Variants in GEMIN5 observed in about 807,000 individuals in gnomAD.
The protein encoded by GEMIN5 is gem-associated protein 5.
In GEMIN5, 124 loss-of-function variants were observed where a neutral mutation model predicts 176.9. That is an observed-to-expected ratio of 0.70 (90% CI 0.61 to 0.81). The LOEUF is 0.81. Among genes scored for constraint, GEMIN5 ranks in the 40% least tolerant of loss-of-function variants. The pLI is 0.00. For missense variants in GEMIN5, 1,843 were observed against 1,814.6 expected, an observed-to-expected ratio of 1.02 and a Z score of -0.28; for synonymous variants, 673 against 665.2, an observed-to-expected ratio of 1.01 and a Z score of -0.18.
intron 5 of GEMIN5, among the ~76,000 whole-genome samples, 191 bp downstream of exon 5, chr5:154,931,267 T>C (rs1053425639): frequency 1.3e-5 from 2 of 152,250 alleles, no homozygotes; most frequent in Non-Finnish European, 2.9e-5. Flanking sequence ...TGGGAAATAC[T>C]AATCTCTAAG....
chr5:154,901,198 C>T, intron 21 of GEMIN5, 141 bp downstream of exon 21: 2 of 711,432 alleles, frequency 2.8e-6, no homozygotes, highest in South Asian at 2.3e-5. Flanking sequence ...TGGTGGCATG[C>T]ACCTCCTGAG....
chr5:154,893,872 T>C (rs1763292250), intron 24 of GEMIN5, among the ~76,000 whole-genome samples: 1 of 152,110 alleles, frequency 6.6e-6, no homozygotes, highest in Non-Finnish European at 1.5e-5. Context: ...GCCTCCAGAG[T>C]GGCTGGGACT....
chr5:154,891,304 C>T lies in GEMIN5; in HGVS notation c.4199G>A (p.Gly1400Asp). 6.2e-7 allele frequency: 1 copy of T among 1,613,986 alleles called. No individual in the cohort carries two copies. The highest frequency in any genetic ancestry group is 8.5e-7 in the Non-Finnish European group (1 of 1,179,976). ...TACTTCCGGTTCATTCTTATCAGGA[C>T]CATTTGCTGTGGATTTACAGAGTTG... ...KSQLCKSTAN[G>D]PDKNEPEVEA... The change falls in exon 26 of 28, where the codon GGT (glycine) becomes GAT (aspartate). Residue 1400 changes from glycine (G) to aspartate (D), a missense_variant. Physicochemically the swap from Gly to Asp is moderately conservative, Grantham distance 94. Transcript: ENST00000285873.
chr5:154,926,996 A>G (rs981154415), intron 7 of GEMIN5, among the ~76,000 whole-genome samples: 1 of 151,562 alleles, frequency 6.6e-6, no homozygotes, highest in African/African-American at 2.4e-5. Context: ...GCTTGCAGTG[A>G]GCCAAGATCA....
intron 24 of GEMIN5, among the ~76,000 whole-genome samples, chr5:154,894,891 A>G (rs1429451684): frequency 7.0e-6 from 1 of 143,418 alleles, no homozygotes; most frequent in Non-Finnish European, 1.5e-5. Flanking sequence ...CGGGTGACAG[A>G]GTGAGACTCC....
chr5:154,891,508 T>C lies in GEMIN5; in HGVS notation c.3995A>G (p.Gln1332Arg). 1 of 1,614,172 alleles carries C rather than the reference T, an allele frequency of 6.2e-7. No individual in the cohort carries two copies. The stretch of plus-strand genomic sequence containing the variant: ...TTCTGAAGGCCTGTTTGGCTCTGGC[T>C]GAGAAGTTTCAGGGTCCGTTTCTTC... ...STEETDPETS[Q>R]PEPNRPSELD... Residue 1332 changes from glutamine (Q) to arginine (R), a missense_variant, in exon 26 of 28, where the codon CAG becomes CGG. Transcript: ENST00000285873.
intron 18 of GEMIN5, 94 bp downstream of exon 18, chr5:154,904,413 A>G: frequency 9.0e-7 from 1 of 1,105,040 alleles, no homozygotes; most frequent in Non-Finnish European, 1.4e-6. Context: ...CAATTTAGAC[A>G]TTTCTTTGGG....
At chr5:154,895,010 C>T (rs1192628741) in intron 24 of GEMIN5, among the ~76,000 whole-genome samples, 1 of 151,618 alleles carries the variant, frequency 6.6e-6, no homozygotes, top group East Asian at 1.9e-4. Context: ...ACCTGGGAGG[C>T]GGAGGTTGCA....
At position 154,937,027 on chromosome 5, in the gene GEMIN5, GA is replaced by G; in HGVS notation, c.324del (p.Gln109SerfsTer13). 6.2e-7 allele frequency: 1 copy of G among 1,612,300 alleles called. No individual in the cohort carries two copies. Among genetic ancestry groups the G allele is most frequent in the Non-Finnish European group, 8.5e-7 (1 of 1,178,706 alleles). ...TKTVVTEHAL[H>X]QHTISTLHWS... ...GAGAAACCAGTAAGCCATGGTACCT[GA>G]TGGAGTGCATGTTCTGTCACAACTG... is the stretch of plus-strand genomic sequence containing the variant. On this transcript the variant is annotated frameshift_variant, in exon 2 of 28. Coordinates refer to ENST00000285873, the MANE Select transcript of GEMIN5 (RefSeq NM_015465.5). LOFTEE classifies it high-confidence loss of function.
chr5:154,892,626 G>A, intron 24 of GEMIN5, 77 bp from the exon 25 acceptor site: 1 of 1,390,016 alleles, frequency 7.2e-7, no homozygotes, highest in Non-Finnish European at 9.9e-7. Context: ...CTGTTCCTGT[G>A]AACCGCATTT....
chr5:154,925,835 A>T (rs747482068), intron 8 of GEMIN5, 27 bp downstream of exon 8: 1 of 1,406,574 alleles, frequency 7.1e-7, no homozygotes, highest in Admixed American at 1.8e-5. Flanking sequence ...AAAAAGTTCA[A>T]AACAAGCTCA....
At chr5:154,929,265 C>G (rs1764110243) in intron 5 of GEMIN5, among the ~76,000 whole-genome samples, 1 of 152,146 alleles carries the variant, frequency 6.6e-6, no homozygotes, top group African/African-American at 2.4e-5. Context: ...AATGAGTTCC[C>G]AAGTAAAACT....
At position 154,937,168 on chromosome 5, in the gene GEMIN5, C is replaced by T. The variant is rs1248061640; in HGVS notation, c.184G>A (p.Gly62Arg). ...AAGCCAGAGACCCTTTCGGTGTGTC[C>T]CACCAACTCTCCTATGACTTTAAGC... ...PPFRVIGELV[G>R]HTERVSGFTF... Residue 62 changes from glycine (G) to arginine (R), a missense_variant, in exon 2 of 28, where the codon GGA (glycine) becomes AGA (arginine). Physicochemically the swap from Gly to Arg is moderately radical, Grantham distance 125. Transcript: ENST00000285873. 19 of 1,610,060 alleles carry T rather than the reference C, an allele frequency of 1.2e-5. No individual in the cohort carries two copies.
intron 8 of GEMIN5, among the ~76,000 whole-genome samples, 160 bp downstream of exon 8, chr5:154,925,702 G>A (rs1764015143): frequency 6.6e-6 from 1 of 152,060 alleles, no homozygotes; most frequent in South Asian, 2.1e-4. Flanking sequence ...GAGGATAATG[G>A]GTTTGGTTAC....
At position 154,904,501 on chromosome 5, in the gene GEMIN5, T is replaced by C; in HGVS notation, c.2632+6A>G. ...ATGGATGGGCCAAGGAAGTACATTT[T>C]TGTACCTCTGGAGTGCTTTGCAGTT... On this transcript the variant is annotated splice_donor_region_variant and intron_variant, in intron 18 of 27. Transcript: ENST00000285873. The C allele has an allele frequency of 6.2e-7, 1 of 1,613,234 alleles. No individual in the cohort carries two copies. The highest frequency in any genetic ancestry group is 1.1e-5 in the South Asian group (1 of 91,032).
At chr5:154,913,583 G>A (rs1199725757) in intron 13 of GEMIN5, among the ~76,000 whole-genome samples, 1 of 152,158 alleles carries the variant, frequency 6.6e-6, no homozygotes, top group African/African-American at 2.4e-5. Context: ...CAGCACTTTG[G>A]GAGGCCAAGG....
At chr5:154,923,280 T>C (rs552831513) in intron 9 of GEMIN5, among the ~76,000 whole-genome samples, 1 of 152,152 alleles carries the variant, frequency 6.6e-6, no homozygotes, top group Non-Finnish European at 1.5e-5. Flanking sequence ...CTCAGGAGGC[T>C]GAGGCAGGAG....
chr5:154,894,385 G>A (rs2113456329), intron 24 of GEMIN5, among the ~76,000 whole-genome samples: 1 of 152,356 alleles, frequency 6.6e-6, no homozygotes, highest in East Asian at 1.9e-4. Context: ...TTGTGTACAA[G>A]TCTTTGTGTG....
At chr5:154,892,714 C>G in intron 24 of GEMIN5, 165 bp from the exon 25 acceptor site, 1 of 620,620 alleles carries the variant, frequency 1.6e-6, no homozygotes, top group Middle Eastern at 4.4e-4. Flanking sequence ...ACATCGGAAA[C>G]TCTCATGTCT....
Sources: gnomAD v4.1 joint callset for allele counts (sites outside exome capture counted in the v4.1 genomes callset) on GRCh38, gnomAD v4.1.1 for gene constraint, MANE v1.5 for transcripts, NCBI Gene and HGNC (gene_info 2026-07-23, HGNC 2026-07-21) for gene names.